The following MTHFD1L variants were observed in gnomAD, a reference collection of about 807,000 sequenced individuals.
The protein encoded by MTHFD1L is monofunctional C1-tetrahydrofolate synthase, mitochondrial.
MTHFD1L carries 81 observed loss-of-function variants against 119.5 expected under a neutral mutation model. That is an observed-to-expected ratio of 0.68 (90% CI 0.57 to 0.82). The LOEUF is 0.82. Among genes scored for constraint, MTHFD1L ranks in the 40% least tolerant of loss-of-function variants. MTHFD1L has a pLI of 0.00. For missense variants in MTHFD1L, 1,125 were observed against 1,253.4 expected (o/e 0.90, Z 1.55); for synonymous variants, 430 against 475.2 (o/e 0.90, Z 1.24).
At chr6:150,947,090 A>AG (rs1393298592) in intron 15 of MTHFD1L, among the ~76,000 whole-genome samples, 1 of 148,854 alleles carries the variant, frequency 6.7e-6, no homozygotes, top group African/African-American at 2.5e-5. Context: ...AGAAAAAAAA[A>AG]AAAGAAAAAT....
intron 26 of MTHFD1L, among the ~76,000 whole-genome samples, chr6:151,069,280 T>TCC (rs1554297632): frequency 2.0e-4 from 30 of 148,082 alleles, no homozygotes; most frequent in African/African-American, 5.5e-4. Flanking sequence ...TCTCTCTCTC[T>TCC]CCCTCCCTCT....
chr6:151,081,110 GA>G (rs1793111331), intron 26 of MTHFD1L, among the ~76,000 whole-genome samples: 1 of 152,192 alleles, frequency 6.6e-6, no homozygotes, highest in African/African-American at 2.4e-5. Flanking sequence ...CTGAAGTCCT[GA>G]GCATTCAGCT....
intron 1 of MTHFD1L, among the ~76,000 whole-genome samples, chr6:150,872,463 A>C (rs1779703387): frequency 6.6e-6 from 1 of 152,174 alleles, no homozygotes; most frequent in Non-Finnish European, 1.5e-5. Flanking sequence ...GGGAAGCCAG[A>C]GGAGAGGGAG....
At chr6:150,897,561 A>C (rs932847350) in intron 7 of MTHFD1L, among the ~76,000 whole-genome samples, 1 of 152,184 alleles carries the variant, frequency 6.6e-6, no homozygotes, top group African/African-American at 2.4e-5. Flanking sequence ...TTCAGCCTCC[A>C]TGACGCTTGT....
At chr6:151,013,675 G>A in intron 21 of MTHFD1L, 104 bp from the exon 22 acceptor site, 1 of 1,050,930 alleles carries the variant, frequency 9.5e-7, no homozygotes, top group Non-Finnish European at 1.4e-6. Context: ...AAACATAGAG[G>A]TACATTTCTA....
intron 8 of MTHFD1L, among the ~76,000 whole-genome samples, chr6:150,909,995 AC>A (rs1353376577): frequency 6.6e-6 from 1 of 152,088 alleles, no homozygotes; most frequent in Admixed American, 6.5e-5. Flanking sequence ...AGCCTGAGCA[AC>A]ATAGTGAAAC....
intron 26 of MTHFD1L, among the ~76,000 whole-genome samples, chr6:151,052,938 T>A (rs1789287818): frequency 6.6e-6 from 1 of 152,148 alleles, no homozygotes; most frequent in Non-Finnish European, 1.5e-5. Context: ...AAGGGACAAA[T>A]GAAGCATTAC....
intron 7 of MTHFD1L, among the ~76,000 whole-genome samples, chr6:150,889,932 A>C (rs1429007930): frequency 6.6e-6 from 1 of 152,086 alleles, no homozygotes; most frequent in East Asian, 1.9e-4. Flanking sequence ...TGAGGCAGGC[A>C]GACCACCTGA....
intron 20 of MTHFD1L, among the ~76,000 whole-genome samples, chr6:150,981,482 G>A (rs1366077309): frequency 6.6e-6 from 1 of 152,132 alleles, no homozygotes; most frequent in African/African-American, 2.4e-5. Flanking sequence ...CAGATGTGCG[G>A]CTTTTCTTGG....
intron 7 of MTHFD1L, among the ~76,000 whole-genome samples, chr6:150,900,230 T>C (rs1186963597): frequency 6.6e-6 from 1 of 151,856 alleles, no homozygotes; most frequent in Non-Finnish European, 1.5e-5. Flanking sequence ...TTGCCAAAAG[T>C]GTATTTTTTG....
chr6:150,865,813 G>A lies in MTHFD1L; in HGVS notation c.-10G>A. 2 of 1,286,652 alleles carry A rather than the reference G, an allele frequency of 1.6e-6. No individual in the cohort carries two copies. Among genetic ancestry groups the A allele is most frequent in the Non-Finnish European group, 2.0e-6 (2 of 1,009,028 alleles). 79.7% of individuals were successfully genotyped at this position (1,286,652 alleles called of 1,614,324 possible). ...GCTCCGTGTCCCCTGAGAACCAGCCGTCCCGCGCCATGGGCACGCGTCTGC... is the reference window on the plus strand; with the variant it reads ...GCTCCGTGTCCCCTGAGAACCAGCCATCCCGCGCCATGGGCACGCGTCTGC... On this transcript the variant is annotated 5_prime_UTR_variant, in exon 1 of 28. Coordinates refer to ENST00000367321, the MANE Select transcript of MTHFD1L (RefSeq NM_015440.5).
chr6:150,913,986 C>T (rs1278773588), intron 8 of MTHFD1L, among the ~76,000 whole-genome samples: 1 of 152,152 alleles, frequency 6.6e-6, no homozygotes, highest in African/African-American at 2.4e-5. Context: ...AAAAACTAAC[C>T]AGGCGTGGTG....
chr6:150,951,487 G>A (rs1416302071), intron 16 of MTHFD1L, among the ~76,000 whole-genome samples: 1 of 152,042 alleles, frequency 6.6e-6, no homozygotes, highest in Non-Finnish European at 1.5e-5. Context: ...TATAACTCTA[G>A]TTATAACTTT....
chr6:151,099,959 T>G (rs1795228585), intron 27 of MTHFD1L: 2 of 937,768 alleles, frequency 2.1e-6, no homozygotes, highest in Non-Finnish European at 3.4e-6. Context: ...ATTTTCTGTT[T>G]AAATAAATGT....
At chr6:150,946,308 C>T (rs1793932293) in intron 15 of MTHFD1L, among the ~76,000 whole-genome samples, 1 of 152,168 alleles carries the variant, frequency 6.6e-6, no homozygotes, top group Non-Finnish European at 1.5e-5. Context: ...CACCACCGCA[C>T]CTGGCTAATT....
chr6:150,976,842 G>T (rs538356105), intron 20 of MTHFD1L, among the ~76,000 whole-genome samples: 1 of 150,308 alleles, frequency 6.7e-6, no homozygotes, highest in Non-Finnish European at 1.5e-5. Flanking sequence ...TAGAGAATTT[G>T]AAAAGGTGAT....
intron 24 of MTHFD1L, among the ~76,000 whole-genome samples, chr6:151,025,615 C>A (rs969280619): frequency 3.3e-5 from 5 of 152,188 alleles, no homozygotes; most frequent in African/African-American, 1.2e-4. Context: ...CTTCTCTTTA[C>A]ATGTTTTACG....
chr6:150,944,709 A>C, intron 14 of MTHFD1L, 116 bp downstream of exon 14: 1 of 746,098 alleles, frequency 1.3e-6, no homozygotes, highest in South Asian at 1.9e-5. Flanking sequence ...TATTCAATTC[A>C]ATTTTGTGAT....
intron 26 of MTHFD1L, among the ~76,000 whole-genome samples, chr6:151,091,521 A>C (rs892120412): frequency 1.6e-4 from 25 of 152,218 alleles, no homozygotes; most frequent in Non-Finnish European, 5.9e-5. Context: ...CAACACAGCA[A>C]GGCGGTGAAG....
Sources: gnomAD v4.1 joint callset for allele counts (sites outside exome capture counted in the v4.1 genomes callset) on GRCh38, gnomAD v4.1.1 for gene constraint, MANE v1.5 for transcripts, NCBI Gene and HGNC (gene_info 2026-07-23, HGNC 2026-07-21) for gene names.